Variants in ADCY5 observed in about 807,000 individuals in gnomAD.
ADCY5 encodes the protein adenylate cyclase 5, also known as adenylate cyclase type 5.
A neutral mutation model predicts 119.7 loss-of-function variants in ADCY5; 30 were observed. The ratio of observed to expected loss-of-function variants is 0.25; its 90% confidence interval spans 0.19 to 0.34. The LOEUF (loss-of-function observed/expected upper bound fraction) is 0.34, where lower values mean the gene tolerates loss of function less well. Ranked by LOEUF, ADCY5 falls within the 10% of genes least tolerant of loss-of-function variation. The probability of loss-of-function intolerance (pLI) is 1.00; values close to 1 mark genes in which losing one functional copy is unlikely to be tolerated. For synonymous variants in ADCY5, 753 were observed against 762.2 expected (o/e 0.99, Z 0.20); for missense variants, 1,324 against 1,775.2 (o/e 0.75, Z 4.57).
At position 123,423,337 on chromosome 3, in the gene ADCY5, G is replaced by A. The variant is rs192075200; in HGVS notation, c.1134+24075C>T. On this transcript the variant is annotated intron_variant, in intron 1 of 20. Coordinates refer to ENST00000462833, the MANE Select transcript of ADCY5 (RefSeq NM_183357.3). ...ACCCCTGCGGAGAAGGGGAAGCGGA[G>A]GGAAGCCACTAAGGGGATGTGATTC... 7.9e-5 allele frequency among the ~76,000 whole-genome samples: 12 copies of A among 152,348 alleles called. No homozygotes were observed. The East Asian group carries it at 2.3e-3, about 29-fold the overall frequency.
At chr3:123,399,598 T>C (rs1432307274) in intron 1 of ADCY5, among the ~76,000 whole-genome samples, 1 of 152,220 alleles carries the variant, frequency 6.6e-6, no homozygotes, top group Non-Finnish European at 1.5e-5. Flanking sequence ...TATTGTTAAC[T>C]ATATGCATAT....
intron 1 of ADCY5, among the ~76,000 whole-genome samples, chr3:123,394,503 C>G (rs1200220590): frequency 1.3e-5 from 2 of 152,178 alleles, no homozygotes; most frequent in Admixed American, 1.3e-4. Flanking sequence ...CAGATTGTCA[C>G]AAGTACCTGA....
intron 1 of ADCY5, among the ~76,000 whole-genome samples, chr3:123,399,720 T>C (rs541209326): frequency 5.9e-5 from 9 of 152,334 alleles, no homozygotes; most frequent in Admixed American, 2.0e-4. Context: ...AGTTAGTTAA[T>C]TGACTTAGAC....
chr3:123,305,403 G>T (rs1476746831), intron 12 of ADCY5, among the ~76,000 whole-genome samples: 1 of 152,194 alleles, frequency 6.6e-6, no homozygotes, highest in Non-Finnish European at 1.5e-5. Context: ...TCCCAGTGGG[G>T]AGGGGAACTG....
At chr3:123,431,936 G>A (rs904501901) in intron 1 of ADCY5, among the ~76,000 whole-genome samples, 11 of 152,098 alleles carry the variant, frequency 7.2e-5, no homozygotes, top group African/African-American at 2.7e-4. Context: ...CAATCCTGGC[G>A]CACAACAGAA....
At chr3:123,326,735 G>A (rs1421127263) in intron 7 of ADCY5, among the ~76,000 whole-genome samples, 1 of 152,152 alleles carries the variant, frequency 6.6e-6, no homozygotes, top group East Asian at 1.9e-4. Context: ...TCCCATGAAG[G>A]GCCCCCGAGC....
In ADCY5 at chr3:123,354,428, G is replaced by C. The variant is rs144710881; in HGVS notation, c.1135-1847C>G. On this transcript the variant is annotated intron_variant, in intron 1 of 20. Coordinates refer to ENST00000462833, the MANE Select transcript of ADCY5 (RefSeq NM_183357.3). ...CTGACTCAGAAGGAAGAGCCCCTAA[G>C]ACCAGGGAGAAGAAAGTCCAGGAAG... 4.4e-4 allele frequency among the ~76,000 whole-genome samples: 67 copies of C among 152,308 alleles called. 1 individual carries two copies. The East Asian group carries it at 0.012, about 28-fold the overall frequency.
chr3:123,439,429 G>A (rs1945685493), intron 1 of ADCY5, among the ~76,000 whole-genome samples: 2 of 151,976 alleles, frequency 1.3e-5, no homozygotes, highest in African/African-American at 2.4e-5. Flanking sequence ...AAAATCATAC[G>A]CTGAGGTTGC....
chr3:123,289,381 C>T (rs56076046), intron 19 of ADCY5, among the ~76,000 whole-genome samples: 42,555 of 152,242 alleles, frequency 0.28, 7,146 homozygotes, highest in Non-Finnish European at 0.39. Context: ...GCTACAACCA[C>T]CAGAAGGCCC....
chr3:123,424,065 G>A (rs1945353535), intron 1 of ADCY5, among the ~76,000 whole-genome samples: 1 of 152,256 alleles, frequency 6.6e-6, no homozygotes, highest in East Asian at 1.9e-4. Flanking sequence ...CACCGTCCTA[G>A]AGCAGATGGC....
In ADCY5 at chr3:123,297,848, A is replaced by G. The variant is rs191730595; in HGVS notation, c.2901-466T>C. On this transcript the variant is annotated intron_variant, in intron 15 of 20. Transcript: ENST00000462833. The stretch of plus-strand genomic sequence containing the variant: ...CACCAGGTTTTGAATAATTAGTGTA[A>G]AAAAAGGTAAAATATTTCATTAAGA... Among the ~76,000 whole-genome samples, 18 of 152,316 alleles carry G rather than the reference A, an allele frequency of 1.2e-4. No individual in the cohort carries two copies. The East Asian group carries it at 3.3e-3, about 28-fold the overall frequency.
intron 8 of ADCY5, among the ~76,000 whole-genome samples, chr3:123,321,806 A>G (rs191782234): frequency 6.6e-6 from 1 of 152,308 alleles, no homozygotes; most frequent in Admixed American, 6.5e-5. Context: ...AGGCACTAAA[A>G]TAGACATGGG....
At chr3:123,397,763 T>G (rs907113852) in intron 1 of ADCY5, among the ~76,000 whole-genome samples, 7 of 152,190 alleles carry the variant, frequency 4.6e-5, no homozygotes, top group African/African-American at 1.4e-4. Flanking sequence ...TCAAATGGAC[T>G]TTTTCAAATC....
chr3:123,439,658 C>CT (rs1289243995), intron 1 of ADCY5, among the ~76,000 whole-genome samples: 2 of 152,198 alleles, frequency 1.3e-5, no homozygotes, highest in Non-Finnish European at 2.9e-5. Flanking sequence ...CTGTATCCCC[C>CT]TTGGATAAGG....
chr3:123,328,706 C>T lies in ADCY5; in HGVS notation c.1743G>A (p.Gln581=). Reference sequence around the variant, plus strand: ...TGACATCGTTAGACCAGACGTCGAACTGCCACTTCCTGAGACCAAGGACAC... The same window carrying T: ...TGACATCGTTAGACCAGACGTCGAATTGCCACTTCCTGAGACCAAGGACAC... The part of the protein sequence containing the change: ...HCGVLGLRKW[Q]FDVWSNDVTL... The change falls in exon 6 of 21, where the codon CAG becomes CAA. Residue 581 remains glutamine (Q), a synonymous_variant. Coordinates refer to ENST00000462833, the MANE Select transcript of ADCY5 (RefSeq NM_183357.3). The T allele has an allele frequency of 6.2e-7, 1 of 1,614,256 alleles. No homozygotes were observed. The highest frequency in any genetic ancestry group is 2.2e-5 in the East Asian group (1 of 44,892).
chr3:123,404,816 G>A (rs1343412373), intron 1 of ADCY5, among the ~76,000 whole-genome samples: 3 of 152,228 alleles, frequency 2.0e-5, no homozygotes, highest in Non-Finnish European at 4.4e-5. Flanking sequence ...ACAGACTGGA[G>A]GAGTCAAGCC....
At chr3:123,445,562 A>G (rs1281595059) in intron 1 of ADCY5, among the ~76,000 whole-genome samples, 1 of 152,210 alleles carries the variant, frequency 6.6e-6, no homozygotes, top group African/African-American at 2.4e-5. Flanking sequence ...AACCATCTGA[A>G]AGCACGAGTC....
At chr3:123,328,914 T>A (rs967817365) in intron 5 of ADCY5, 112 bp from the exon 6 acceptor site, 1 of 1,132,524 alleles carries the variant, frequency 8.8e-7, no homozygotes, top group African/African-American at 1.5e-5. Context: ...AAGAGTCTTC[T>A]CTCTCCCATC....
At chr3:123,297,488 G>A (rs908843554) in intron 15 of ADCY5, 106 bp from the exon 16 acceptor site, 1 of 1,247,158 alleles carries the variant, frequency 8.0e-7, no homozygotes, top group Non-Finnish European at 1.2e-6. Context: ...CACCACTGCT[G>A]CTCCTTGGCT....
Sources: allele counts gnomAD v4.1 joint callset (sites outside exome capture counted in the v4.1 genomes callset), GRCh38; gene constraint gnomAD v4.1.1; transcripts MANE v1.5; gene names NCBI Gene and HGNC (gene_info 2026-07-23, HGNC 2026-07-21).